KAZN: variants seen among roughly 807,000 people sequenced by gnomAD.
KAZN encodes the protein kazrin, periplakin interacting protein, also known as kazrin.
KAZN carries 40 observed loss-of-function variants against 87.4 expected under a neutral mutation model. The ratio of observed to expected loss-of-function variants is 0.46; its 90% CI spans 0.36 to 0.60. The LOEUF is 0.60. Ranked by LOEUF, KAZN falls within the 20% of genes least tolerant of loss-of-function variation. The probability of loss-of-function intolerance (pLI) is 0.00; values close to 1 mark genes in which losing one functional copy is unlikely to be tolerated. For missense variants in KAZN, 898 were observed against 1,073.9 expected (o/e 0.84, Z 2.29); for synonymous variants, 466 against 458.3 (o/e 1.02, Z -0.22).
chr1:15,043,862 C>T, intron 3 of KAZN, 127 bp from the exon 4 acceptor site: 1 of 928,118 alleles, frequency 1.1e-6, no homozygotes, highest in African/African-American at 1.7e-5. Context: ...CCAGGATGGT[C>T]TCAATCTCCT....
At chr1:14,134,869 A>T (rs960405870) in intron 1 of KAZN, among the ~76,000 whole-genome samples, 1 of 152,026 alleles carries the variant, frequency 6.6e-6, no homozygotes, top group African/African-American at 2.4e-5. Context: ...AATTACCCAT[A>T]GTTCTATCCA....
chr1:14,772,108 C>G (rs1459569821), intron 1 of KAZN, among the ~76,000 whole-genome samples: 1 of 152,112 alleles, frequency 6.6e-6, no homozygotes, highest in East Asian at 1.9e-4. Flanking sequence ...CAGGCTTTCT[C>G]TGAGTCTTTG....
chr1:13,977,087 G>A (rs1446446625), intron 1 of KAZN, among the ~76,000 whole-genome samples: 2 of 152,314 alleles, frequency 1.3e-5, no homozygotes, highest in East Asian at 3.9e-4. Context: ...GTTCCCCATT[G>A]TTGGTGAGGA....
chr1:13,986,452 G>A (rs1275578096), intron 1 of KAZN, among the ~76,000 whole-genome samples: 1 of 152,184 alleles, frequency 6.6e-6, no homozygotes. Context: ...TTACATCAGA[G>A]AGAAGGAAAA....
At chr1:13,935,924 ATATG>A (rs1247198397) in intron 1 of KAZN, among the ~76,000 whole-genome samples, 5 of 149,832 alleles carry the variant, frequency 3.3e-5, no homozygotes, top group African/African-American at 9.8e-5. Context: ...ATTATTTAAT[ATATG>A]TACATCATCA....
intron 1 of KAZN, among the ~76,000 whole-genome samples, chr1:14,831,890 G>A (rs1022147683): frequency 6.6e-6 from 1 of 152,034 alleles, no homozygotes; most frequent in Non-Finnish European, 1.5e-5. Flanking sequence ...ACTCAAATGA[G>A]CATGAGCAAA....
intron 1 of KAZN, among the ~76,000 whole-genome samples, chr1:14,752,940 C>T (rs1333904826): frequency 6.6e-6 from 1 of 152,174 alleles, no homozygotes; most frequent in Non-Finnish European, 1.5e-5. Context: ...CAGAGGTAAC[C>T]AGAGAGCTTG....
chr1:14,626,681 T>G (rs1204511638), intron 1 of KAZN, among the ~76,000 whole-genome samples: 1 of 152,152 alleles, frequency 6.6e-6, no homozygotes, highest in Non-Finnish European at 1.5e-5. Context: ...TGGTTCCAGA[T>G]CCAGCCTCAA....
intron 1 of KAZN, among the ~76,000 whole-genome samples, chr1:14,868,067 C>G (rs1378946088): frequency 6.6e-6 from 1 of 151,848 alleles, no homozygotes; most frequent in Non-Finnish European, 1.5e-5. Flanking sequence ...CACAGCATTG[C>G]ATACACAGGC....
At chr1:14,119,043 A>G (rs1644693601) in intron 1 of KAZN, among the ~76,000 whole-genome samples, 1 of 152,174 alleles carries the variant, frequency 6.6e-6, no homozygotes, top group Non-Finnish European at 1.5e-5. Context: ...AAAAAAAACA[A>G]AAACAAAAAC....
At chr1:14,478,240 G>A (rs1246871290) in intron 2 of KAZN, among the ~76,000 whole-genome samples, 1 of 139,310 alleles carries the variant, frequency 7.2e-6, no homozygotes, top group Non-Finnish European at 1.5e-5. Context: ...AAGGAAGGAA[G>A]GAAGGAAAAG....
intron 13 of KAZN, among the ~76,000 whole-genome samples, chr1:15,110,507 TTGTGTGTTTGTG>T (rs747943550): frequency 7.2e-6 from 1 of 138,628 alleles, no homozygotes; most frequent in African/African-American, 2.7e-5. Context: ...GTGTGTGTAT[TTGTGTGTTTGTG>T]TGTATGTGTT....
At chr1:13,991,250 C>T (rs1464253597) in intron 1 of KAZN, among the ~76,000 whole-genome samples, 2 of 151,720 alleles carry the variant, frequency 1.3e-5, no homozygotes, top group Admixed American at 1.3e-4. Flanking sequence ...TACTGAACAG[C>T]GAGTTGGAAA....
At chr1:14,528,277 G>A (rs1486669811) in intron 2 of KAZN, among the ~76,000 whole-genome samples, 1 of 134,662 alleles carries the variant, frequency 7.4e-6, no homozygotes, top group Admixed American at 8.2e-5. Context: ...GGTGGAGGTT[G>A]CAGTGAGCCG....
At chr1:14,551,520 T>C (rs576402419) in intron 2 of KAZN, among the ~76,000 whole-genome samples, 63 of 152,322 alleles carry the variant, frequency 4.1e-4, no homozygotes, top group Admixed American at 1.4e-3. Flanking sequence ...ACTCAATAAA[T>C]ATCTGTTGGC....
intron 2 of KAZN, among the ~76,000 whole-genome samples, chr1:14,441,413 A>G (rs889138985): frequency 6.6e-6 from 1 of 152,170 alleles, no homozygotes; most frequent in East Asian, 1.9e-4. Context: ...AACTTGTGAG[A>G]AACTCAGATT....
chr1:14,127,485 G>C (rs1335391800), intron 1 of KAZN, among the ~76,000 whole-genome samples: 1 of 151,804 alleles, frequency 6.6e-6, no homozygotes, highest in Non-Finnish European at 1.5e-5. Flanking sequence ...GTAAAGCCAG[G>C]AGGCCAGGAA....
chr1:14,163,216 G>A (rs1005927598), intron 1 of KAZN, among the ~76,000 whole-genome samples: 2 of 152,156 alleles, frequency 1.3e-5, no homozygotes, highest in African/African-American at 2.4e-5. Context: ...AGGAGTGAAA[G>A]TTTATTAAAA....
At chr1:14,726,864 A>C (rs926378223) in intron 1 of KAZN, among the ~76,000 whole-genome samples, 2 of 152,208 alleles carry the variant, frequency 1.3e-5, no homozygotes, top group Non-Finnish European at 2.9e-5. Context: ...ATGCACGCTC[A>C]GCTTTGAGAA....
Sources: allele counts gnomAD v4.1 joint callset (sites outside exome capture counted in the v4.1 genomes callset), GRCh38; gene constraint gnomAD v4.1.1; transcripts MANE v1.5; gene names NCBI Gene and HGNC (gene_info 2026-07-23, HGNC 2026-07-21).